Variants in GRB10 observed in about 807,000 individuals in gnomAD.
The protein encoded by GRB10 is growth factor receptor bound protein 10, also known as growth factor receptor-bound protein 10.
A neutral mutation model predicts 80.9 loss-of-function variants in GRB10; 20 were observed. The ratio of observed to expected loss-of-function variants is 0.25; its 90% CI spans 0.17 to 0.36. GRB10 has a LOEUF of 0.36. GRB10 is among the 10% of genes least tolerant of loss of function. The pLI is 1.00. For synonymous variants in GRB10, 291 were observed against 291.5 expected (o/e 1.00, Z 0.02); for missense variants, 548 against 747.7 (o/e 0.73, Z 3.12).
chr7:50,629,629 A>C (rs2053628059), intron 7 of GRB10, among the ~76,000 whole-genome samples: 1 of 152,222 alleles, frequency 6.6e-6, no homozygotes, highest in Non-Finnish European at 1.5e-5. Context: ...CAGCCATCTC[A>C]AACCACCCAG....
At chr7:50,618,445 T>C (rs923216855) in intron 9 of GRB10, among the ~76,000 whole-genome samples, 1 of 152,192 alleles carries the variant, frequency 6.6e-6, no homozygotes, top group Admixed American at 6.5e-5. Context: ...GTGGCACAAG[T>C]GCACAGCGTG....
chr7:50,608,586 T>C (rs1461242854), intron 13 of GRB10, among the ~76,000 whole-genome samples: 1 of 152,162 alleles, frequency 6.6e-6, no homozygotes, highest in African/African-American at 2.4e-5. Flanking sequence ...AAAGGGACAA[T>C]GGAGCAAATG....
intron 3 of GRB10, among the ~76,000 whole-genome samples, chr7:50,733,939 T>C (rs972819151): frequency 6.6e-6 from 1 of 152,230 alleles, no homozygotes; most frequent in East Asian, 1.9e-4. Context: ...AACAAGAATT[T>C]AGCTTAAGAC....
chr7:50,744,912 GTTT>G (rs888375001), intron 3 of GRB10, among the ~76,000 whole-genome samples: 9 of 152,100 alleles, frequency 5.9e-5, no homozygotes, highest in Non-Finnish European at 1.3e-4. Flanking sequence ...ACCTTCATGG[GTTT>G]TTTTACATTT....
At chr7:50,613,948 A>C (rs2050050597) in intron 12 of GRB10, among the ~76,000 whole-genome samples, 1 of 152,178 alleles carries the variant, frequency 6.6e-6, no homozygotes, top group Non-Finnish European at 1.5e-5. Flanking sequence ...TTCACTGGCT[A>C]CTGGATGTGG....
At chr7:50,681,072 C>T (rs1045547787) in intron 5 of GRB10, among the ~76,000 whole-genome samples, 1 of 152,198 alleles carries the variant, frequency 6.6e-6, no homozygotes, top group Non-Finnish European at 1.5e-5. Context: ...TTTAAATATA[C>T]ACATTCTTTC....
At chr7:50,640,832 G>A (rs971634293) in intron 7 of GRB10, among the ~76,000 whole-genome samples, 2 of 152,138 alleles carry the variant, frequency 1.3e-5, no homozygotes, top group Non-Finnish European at 1.5e-5. Flanking sequence ...TCTATTCCTT[G>A]TACATTGTTT....
chr7:50,792,440 A>T (rs1224392941), intron 1 of GRB10: 1 of 398,360 alleles, frequency 2.5e-6, no homozygotes, highest in East Asian at 3.6e-5. Context: ...AGTAAAGGAT[A>T]CCCTAATTTC....
intron 3 of GRB10, among the ~76,000 whole-genome samples, chr7:50,738,922 C>G (rs572104871): frequency 6.6e-6 from 1 of 151,832 alleles, no homozygotes; most frequent in African/African-American, 2.4e-5. Context: ...CTTTTAATGT[C>G]GAAGGTTAAA....
At chr7:50,788,430 C>T (rs777172642) in intron 1 of GRB10, among the ~76,000 whole-genome samples, 3 of 152,082 alleles carry the variant, frequency 2.0e-5, no homozygotes, top group East Asian at 1.9e-4. Flanking sequence ...ATTGCTCAGA[C>T]GTCCCCTTGG....
At chr7:50,673,495 T>C (rs575864807) in intron 6 of GRB10, among the ~76,000 whole-genome samples, 1 of 151,890 alleles carries the variant, frequency 6.6e-6, no homozygotes, top group African/African-American at 2.4e-5. Context: ...CTCCACACAC[T>C]CTCTGTCTCC....
At chr7:50,607,935 A>G (rs2048824656) in intron 13 of GRB10, among the ~76,000 whole-genome samples, 1 of 152,188 alleles carries the variant, frequency 6.6e-6, no homozygotes, top group Admixed American at 6.5e-5. Flanking sequence ...CTTTCATGGG[A>G]TCTAAGCTCA....
intron 2 of GRB10, among the ~76,000 whole-genome samples, chr7:50,763,943 AG>A (rs2076056029): frequency 6.6e-6 from 1 of 152,160 alleles, no homozygotes; most frequent in Non-Finnish European, 1.5e-5. Flanking sequence ...CCAAATTCTC[AG>A]CGACAGCTGC....
chr7:50,676,642 C>T (rs2060985954), intron 5 of GRB10, among the ~76,000 whole-genome samples: 1 of 152,142 alleles, frequency 6.6e-6, no homozygotes, highest in Non-Finnish European at 1.5e-5. Context: ...TTAGGAAGGC[C>T]TTTGTTTTAA....
At chr7:50,617,911 C>A in intron 10 of GRB10, 160 bp downstream of exon 10, 1 of 711,042 alleles carries the variant, frequency 1.4e-6, no homozygotes, top group South Asian at 1.5e-5. Context: ...TTTCTGGTTA[C>A]TCTAAACCCT....
chr7:50,736,736 T>C (rs920678724), intron 3 of GRB10, among the ~76,000 whole-genome samples: 14 of 151,856 alleles, frequency 9.2e-5, no homozygotes, highest in African/African-American at 3.4e-4. Flanking sequence ...TGAGCTGTGA[T>C]TAACGCCACT....
At position 50,773,468 on chromosome 7, in the gene GRB10, C is replaced by A. The variant is rs28845211; in HGVS notation, c.-217+7159G>T. On this transcript the variant is annotated intron_variant, in intron 2 of 18. Coordinates refer to ENST00000401949, the MANE Select transcript of GRB10 (RefSeq NM_001350814.2). ...AAGGGGAAGGGAGGGGAGGGGAAGG[C>A]AGGGGAGGGGAAGGCAGGGGAGGGG... Among the ~76,000 whole-genome samples, 28 of 9,386 alleles carry A rather than the reference C, an allele frequency of 3.0e-3. 3 individuals are homozygous for A. Among genetic ancestry groups the A allele is most frequent in the African/African-American group, 9.7e-3 (26 of 2,694 alleles). 6.2% of individuals were successfully genotyped at this position (9,386 alleles called of 152,430 possible).
At chr7:50,737,014 G>C (rs1040220799) in intron 3 of GRB10, among the ~76,000 whole-genome samples, 1 of 152,184 alleles carries the variant, frequency 6.6e-6, no homozygotes, top group African/African-American at 2.4e-5. Context: ...CAAAGGTGCA[G>C]GCCGAAGAAA....
intron 5 of GRB10, among the ~76,000 whole-genome samples, chr7:50,689,421 T>A (rs999254878): frequency 2.0e-5 from 3 of 152,218 alleles, no homozygotes; most frequent in African/African-American, 7.2e-5. Context: ...CTCAGGACTA[T>A]CGTGAAAGAC....
Sources: gnomAD v4.1 joint callset for allele counts (sites outside exome capture counted in the v4.1 genomes callset) on GRCh38, gnomAD v4.1.1 for gene constraint, MANE v1.5 for transcripts, NCBI Gene and HGNC (gene_info 2026-07-23, HGNC 2026-07-21) for gene names.